The following ADGRL2 variants were observed in gnomAD, a reference collection of about 807,000 sequenced individuals.
ADGRL2 encodes the protein adhesion G protein-coupled receptor L2.
Under a neutral mutation model 157.4 loss-of-function variants are expected in ADGRL2, and 44 were observed. That is an observed-to-expected ratio of 0.28 (90% CI 0.22 to 0.36). The LOEUF (loss-of-function observed/expected upper bound fraction) is 0.36, where lower values mean the gene tolerates loss of function less well. Ranked by LOEUF, ADGRL2 falls within the 10% of genes least tolerant of loss-of-function variation. The pLI, the probability that ADGRL2 is intolerant of heterozygous loss-of-function variation, is 1.00. For synonymous variants in ADGRL2, 585 were observed against 624.7 expected (o/e 0.94, Z 0.95); for missense variants, 1,510 against 1,768.9 (o/e 0.85, Z 2.63).
Position 81,605,814 on chromosome 1 carries a change from C to T in ADGRL2, c.-143+24834C>T, listed in dbSNP as rs558889754. ...TTAGATTTTGCAGTCTTGAAAATAG[C>T]CATGCAAATTACCAAAATGTTTTCC... On this transcript the variant is annotated intron_variant, in intron 3 of 24. Coordinates refer to the ADGRL2 transcript ENST00000370721. Among the ~76,000 whole-genome samples the T allele has an allele frequency of 2.6e-5, 4 of 152,248 alleles. No individual in the cohort carries two copies. In the South Asian group the frequency reaches 8.3e-4, roughly 32 times the overall value.
At chr1:81,935,029 G>C (rs2095289614) in intron 3 of ADGRL2, among the ~76,000 whole-genome samples, 2 of 151,922 alleles carry the variant, frequency 1.3e-5, no homozygotes, top group South Asian at 2.1e-4. Flanking sequence ...TGAAACATCA[G>C]AATTATATTT....
intron 2 of ADGRL2, among the ~76,000 whole-genome samples, chr1:81,892,755 A>G (rs1448240965): frequency 6.6e-6 from 1 of 152,146 alleles, no homozygotes; most frequent in Non-Finnish European, 1.5e-5. Context: ...TTATTACTTG[A>G]CACTGACAAT....
intron 1 of ADGRL2, among the ~76,000 whole-genome samples, chr1:81,708,389 T>C (rs916697165): frequency 2.0e-5 from 3 of 152,198 alleles, no homozygotes; most frequent in African/African-American, 7.2e-5. Context: ...TGTATTTTGA[T>C]TATTTAAAGC....
At position 81,969,163 on chromosome 1, in the gene ADGRL2, T is replaced by C; in HGVS notation, c.2524-15T>C. On this transcript the variant is annotated splice_polypyrimidine_tract_variant and intron_variant, in intron 14 of 23. Transcript: ENST00000686636. ...TGCAGGAATACTAATGTTCCTCATA[T>C]CTTTTTATTTTCAGTATAAAGATGG... 7 of 1,584,016 alleles carry C rather than the reference T, an allele frequency of 4.4e-6. No individual in the cohort carries two copies. The highest frequency in any genetic ancestry group is 1.1e-5 in the South Asian group (1 of 90,426).
At chr1:81,427,549 T>C in intron 1 of ADGRL2, 2 of 746,654 alleles carry the variant, frequency 2.7e-6, no homozygotes, top group South Asian at 1.4e-5. Flanking sequence ...AAGAAGCTCA[T>C]CCCTATGATG....
intron 2 of ADGRL2, among the ~76,000 whole-genome samples, chr1:81,892,675 G>A (rs2094295554): frequency 1.3e-5 from 2 of 151,984 alleles, no homozygotes; most frequent in Admixed American, 6.6e-5. Context: ...CCAAATTTAA[G>A]GGTGTTGTAT....
intron 3 of ADGRL2, among the ~76,000 whole-genome samples, chr1:81,922,789 G>A (rs577331530): frequency 5.3e-4 from 81 of 152,236 alleles, no homozygotes; most frequent in African/African-American, 1.9e-3. Flanking sequence ...GCGGAGGCGG[G>A]AGGAATGCTT....
At chr1:81,748,266 CA>C (rs1193150805) in intron 1 of ADGRL2, among the ~76,000 whole-genome samples, 25 of 151,756 alleles carry the variant, frequency 1.6e-4, no homozygotes, top group Admixed American at 1.6e-3. Context: ...ATCACGAGGT[CA>C]AGAGATCGAG....
rs142077407 is a variant in ADGRL2 at position 81,402,829 on chromosome 1, C to G, written c.-301-42207C>G. ...TTTATTCAAGCTCCCACCATCACCC[C>G]CAAAGAGCCCCTCAGAAGCCAGAGA... On this transcript the variant is annotated intron_variant, in intron 1 of 24. Coordinates refer to the ADGRL2 transcript ENST00000370721. Among the ~76,000 whole-genome samples, 612 of 152,296 alleles carry G rather than the reference C, an allele frequency of 4.0e-3. 2 individuals are homozygous for G. Among genetic ancestry groups the G allele is most frequent in the Non-Finnish European group, 6.7e-3 (454 of 68,024 alleles).
At chr1:81,331,506 C>T (rs1426235859) in intron 1 of ADGRL2, among the ~76,000 whole-genome samples, 3 of 152,024 alleles carry the variant, frequency 2.0e-5, no homozygotes, top group African/African-American at 7.2e-5. Flanking sequence ...TGTCGTACTG[C>T]TTTGGTATTA....
chr1:81,630,373 A>T (rs915035601), intron 3 of ADGRL2, among the ~76,000 whole-genome samples: 2 of 152,136 alleles, frequency 1.3e-5, no homozygotes, highest in African/African-American at 2.4e-5. Flanking sequence ...TCATTTAATC[A>T]TCGAATACTT....
intron 3 of ADGRL2, among the ~76,000 whole-genome samples, chr1:81,626,030 A>G (rs2081901780): frequency 6.6e-6 from 1 of 152,192 alleles, no homozygotes; most frequent in African/African-American, 2.4e-5. Context: ...ACACAATAAC[A>G]ATCCCAAGTG....
intron 3 of ADGRL2, among the ~76,000 whole-genome samples, chr1:81,590,673 A>T (rs1019451561): frequency 6.6e-6 from 1 of 152,160 alleles, no homozygotes; most frequent in Admixed American, 6.6e-5. Context: ...GAACATAGAT[A>T]TGGATATTTC....
intron 3 of ADGRL2, among the ~76,000 whole-genome samples, chr1:81,647,157 T>G (rs1570726630): frequency 1.3e-5 from 2 of 152,328 alleles, no homozygotes; most frequent in East Asian, 3.9e-4. Flanking sequence ...AAAATCTAGG[T>G]TCTTTTCAGC....
intron 1 of ADGRL2, chr1:81,426,353 G>C (rs2077216123): frequency 7.2e-6 from 2 of 278,830 alleles, no homozygotes; most frequent in South Asian, 6.6e-5. Context: ...GGCAGAGAAA[G>C]TTAGAGAGGT....
At chr1:81,396,186 T>C (rs1193010952) in intron 1 of ADGRL2, among the ~76,000 whole-genome samples, 1 of 152,208 alleles carries the variant, frequency 6.6e-6, no homozygotes, top group Non-Finnish European at 1.5e-5. Flanking sequence ...CTTTCATCAA[T>C]GTTTTTAGTT....
At chr1:81,894,916 A>T (rs1349291746) in intron 2 of ADGRL2, among the ~76,000 whole-genome samples, 1 of 152,156 alleles carries the variant, frequency 6.6e-6, no homozygotes, top group Non-Finnish European at 1.5e-5. Context: ...TTAAGTGGGT[A>T]AAAGGTTACA....
intron 1 of ADGRL2, among the ~76,000 whole-genome samples, chr1:81,381,445 G>A (rs1165596917): frequency 6.6e-6 from 1 of 152,054 alleles, no homozygotes; most frequent in Non-Finnish European, 1.5e-5. Flanking sequence ...AGGCATGGTG[G>A]CACACCTGTA....
At chr1:81,322,700 G>A (rs947501657) in intron 1 of ADGRL2, among the ~76,000 whole-genome samples, 8 of 151,894 alleles carry the variant, frequency 5.3e-5, no homozygotes, top group Non-Finnish European at 8.8e-5. Flanking sequence ...TGAAAAACAC[G>A]GTATATCAAA....
Sources: allele counts gnomAD v4.1 joint callset (sites outside exome capture counted in the v4.1 genomes callset), GRCh38; gene constraint gnomAD v4.1.1; transcripts MANE v1.5; gene names NCBI Gene and HGNC (gene_info 2026-07-23, HGNC 2026-07-21).